Variants in DNM3 observed in about 807,000 individuals in gnomAD.
DNM3 encodes the protein dynamin-3.
DNM3 carries 47 observed loss-of-function variants against 101.6 expected under a neutral mutation model. The observed-to-expected ratio is 0.46, with a 90% CI of 0.37 to 0.59. DNM3 has a LOEUF of 0.59. DNM3 is among the 20% of genes least tolerant of loss of function. DNM3 has a pLI of 0.00. For synonymous variants in DNM3, 385 were observed against 387.9 expected (o/e 0.99, Z 0.09); for missense variants, 849 against 1,085.7 (o/e 0.78, Z 3.06).
Position 172,409,452 on chromosome 1 carries a change from T to A in DNM3, c.*1611T>A. On this transcript the variant is annotated 3_prime_UTR_variant, in exon 21 of 21. Transcript: ENST00000627582. ...GTATTGAACTTATTCTAAAGGCTTA[T>A]GCTAACCCATTTATAATTGGTAAAA... 1.0e-6 allele frequency: 1 copy of A among 984,434 alleles called. No homozygotes were observed. The highest frequency in any genetic ancestry group is 1.2e-6 in the Non-Finnish European group (1 of 829,048). 61.0% of individuals were successfully genotyped at this position (984,434 alleles called of 1,614,324 possible).
At chr1:171,967,892 C>T (rs2043702006) in intron 2 of DNM3, among the ~76,000 whole-genome samples, 1 of 152,122 alleles carries the variant, frequency 6.6e-6, no homozygotes, top group Non-Finnish European at 1.5e-5. Context: ...GATTTGAAGC[C>T]TCAATCATCT....
intron 18 of DNM3, among the ~76,000 whole-genome samples, chr1:172,383,071 AT>A (rs1439018752): frequency 1.3e-5 from 2 of 152,146 alleles, no homozygotes; most frequent in African/African-American, 4.8e-5. Context: ...TTATCCTGGC[AT>A]TTAAAGCACT....
intron 1 of DNM3, among the ~76,000 whole-genome samples, chr1:171,903,227 GA>G (rs1287414192): frequency 6.6e-6 from 1 of 151,972 alleles, no homozygotes; most frequent in African/African-American, 2.4e-5. Context: ...GAAGCATAAG[GA>G]AAAATTCTAA....
intron 1 of DNM3, among the ~76,000 whole-genome samples, chr1:171,898,947 A>G (rs188085707): frequency 3.9e-4 from 60 of 152,284 alleles, no homozygotes; most frequent in African/African-American, 1.4e-3. Context: ...TTTACAAGAA[A>G]GGGGTGATGA....
intron 4 of DNM3, among the ~76,000 whole-genome samples, chr1:172,002,188 A>G (rs1487510708): frequency 6.6e-6 from 1 of 152,048 alleles, no homozygotes; most frequent in Non-Finnish European, 1.5e-5. Context: ...AATTAATTGC[A>G]TTGAGCGCCC....
intron 20 of DNM3, among the ~76,000 whole-genome samples, chr1:172,401,619 A>C (rs1333977106): frequency 6.6e-6 from 1 of 152,164 alleles, no homozygotes; most frequent in Non-Finnish European, 1.5e-5. Flanking sequence ...GCTCTAATAC[A>C]CTGCAAGAAT....
intron 13 of DNM3, among the ~76,000 whole-genome samples, chr1:172,124,183 GC>G (rs996288789): frequency 1.3e-5 from 2 of 152,146 alleles, no homozygotes; most frequent in Non-Finnish European, 2.9e-5. Flanking sequence ...AATTTTGTGA[GC>G]CCCCTCCTCA....
At chr1:171,921,913 T>C in intron 2 of DNM3, 92 bp downstream of exon 2, 5 of 1,118,488 alleles carry the variant, frequency 4.5e-6, no homozygotes, top group Non-Finnish European at 6.6e-6. Context: ...AGAAACGTTT[T>C]TGTGATCGCC....
chr1:172,327,200 G>T (rs1398982769), intron 17 of DNM3, among the ~76,000 whole-genome samples: 1 of 152,160 alleles, frequency 6.6e-6, no homozygotes, highest in Non-Finnish European at 1.5e-5. Flanking sequence ...ACTTTGTCTA[G>T]TGATTTCCTA....
intron 14 of DNM3, among the ~76,000 whole-genome samples, chr1:172,236,235 C>A (rs1052056837): frequency 6.6e-6 from 1 of 152,128 alleles, no homozygotes; most frequent in Non-Finnish European, 1.5e-5. Context: ...CAACCCATAG[C>A]TCCACAGAGC....
chr1:172,123,993 A>AGC, intron 13 of DNM3, among the ~76,000 whole-genome samples: 1 of 152,178 alleles, frequency 6.6e-6, no homozygotes, highest in Non-Finnish European at 1.5e-5. Flanking sequence ...GAGGGGTCAA[A>AGC]GCAGTGCATT....
At chr1:172,216,004 TA>T (rs1210412642) in intron 14 of DNM3, among the ~76,000 whole-genome samples, 205 of 127,776 alleles carry the variant, frequency 1.6e-3, no homozygotes, top group Middle Eastern at 3.8e-3. Context: ...ATAATAAAAT[TA>T]AAAAAAAAAA....
intron 2 of DNM3, among the ~76,000 whole-genome samples, chr1:171,934,006 C>T (rs777661673): frequency 6.6e-6 from 1 of 152,180 alleles, no homozygotes; most frequent in Non-Finnish European, 1.5e-5. Context: ...TAATCATTTT[C>T]TCTTCTCATT....
intron 1 of DNM3, among the ~76,000 whole-genome samples, chr1:171,884,466 A>G (rs149474590): frequency 1.1e-3 from 163 of 152,318 alleles, no homozygotes; most frequent in African/African-American, 3.8e-3. Flanking sequence ...ATATAAGTCT[A>G]GCTTCCCTAT....
At position 172,131,256 on chromosome 1, in the gene DNM3, G is replaced by A; in HGVS notation, c.1627G>A (p.Ala543Thr). 13 of 1,613,206 alleles carry A rather than the reference G, an allele frequency of 8.1e-6. No individual in the cohort carries two copies. The highest frequency in any genetic ancestry group is 1.1e-5 in the Non-Finnish European group (13 of 1,179,478). ...GAAGGGATACTGGTTCGTCCTTACT[G>A]CGGAAAGCTTGTCCTGGTATAAAGA... ...GSKGYWFVLT[A>T]ESLSWYKDDE... Residue 543 changes from alanine to threonine, a missense_variant, in exon 14 of 21, where the codon GCG (alanine) becomes ACG (threonine). Physicochemically the swap from Ala to Thr is moderately conservative, Grantham distance 58. Transcript: ENST00000627582.
intron 14 of DNM3, among the ~76,000 whole-genome samples, chr1:172,250,217 A>C (rs2062114959): frequency 6.6e-6 from 1 of 152,154 alleles, no homozygotes; most frequent in East Asian, 1.9e-4. Context: ...AATCTTTTGC[A>C]CAGAAAGTAG....
At chr1:172,056,014 G>A (rs897091324) in intron 10 of DNM3, among the ~76,000 whole-genome samples, 15 of 152,212 alleles carry the variant, frequency 9.9e-5, no homozygotes, top group African/African-American at 3.6e-4. Flanking sequence ...GCAGGGTGAA[G>A]CATTGCCTCA....
intron 14 of DNM3, among the ~76,000 whole-genome samples, chr1:172,239,808 T>C (rs1306446298): frequency 1.4e-5 from 2 of 141,464 alleles, no homozygotes; most frequent in African/African-American, 5.2e-5. Flanking sequence ...CTCTTTTTTT[T>C]TTTTTTTTTT....
intron 10 of DNM3, among the ~76,000 whole-genome samples, chr1:172,057,621 A>G (rs1230096517): frequency 6.6e-6 from 1 of 152,070 alleles, no homozygotes; most frequent in Non-Finnish European, 1.5e-5. Context: ...GAGAAATAAA[A>G]TACTTTACAG....
Sources: gnomAD v4.1 joint callset for allele counts (sites outside exome capture counted in the v4.1 genomes callset) on GRCh38, gnomAD v4.1.1 for gene constraint, MANE v1.5 for transcripts, NCBI Gene and HGNC (gene_info 2026-07-23, HGNC 2026-07-21) for gene names.